The following CHURC1 variants were observed in gnomAD, a reference collection of about 807,000 sequenced individuals.
CHURC1 encodes protein Churchill.
A neutral mutation model predicts 15.4 loss-of-function variants in CHURC1; 12 were observed. The observed-to-expected ratio is 0.78, with a 90% CI of 0.50 to 1.27. The LOEUF (loss-of-function observed/expected upper bound fraction) is 1.27. CHURC1 is among the 50% of genes most tolerant of loss of function. The pLI is 0.00. For missense variants in CHURC1, 132 were observed against 137.8 expected (o/e 0.96, Z 0.21); for synonymous variants, 42 against 47.5 (o/e 0.88, Z 0.48).
intron 1 of CHURC1, among the ~76,000 whole-genome samples, chr14:64,919,459 T>C (rs1488913100): frequency 6.6e-6 from 1 of 152,208 alleles, no homozygotes; most frequent in Admixed American, 6.6e-5. Flanking sequence ...CTGAGTAATA[T>C]ATAATTAGCA....
At position 64,914,608 on chromosome 14, in the gene CHURC1, A is replaced by G. The variant is rs969526343; in HGVS notation, c.39+74A>G. The G allele has an allele frequency of 3.1e-6, 5 of 1,603,382 alleles. No individual in the cohort carries two copies. The African/African-American group carries it at 5.4e-5, about 17-fold the overall frequency. On this transcript the variant is annotated intron_variant, in intron 1 of 3. Transcript: ENST00000549115. The stretch of plus-strand genomic sequence containing the variant: ...TCATATCCAAGGCTGGCCTTCCCAG[A>G]GAGGCCGTACGTGGGGCGGACTCGG...
chr14:64,921,238 A>G (rs1303490148), intron 1 of CHURC1, among the ~76,000 whole-genome samples: 1 of 152,174 alleles, frequency 6.6e-6, no homozygotes, highest in African/African-American at 2.4e-5. Flanking sequence ...ACTAAAAGCT[A>G]TAAAACTTCT....
At position 64,934,914 on chromosome 14, in the gene CHURC1, C is replaced by CCCA; in HGVS notation, c.*2686_*2688dup. ...CTCTCTATATTTCATTATTGGTGAA[C>CCCA]CCACATTGTGCTGTGTTTTGTGATA... is the stretch of plus-strand genomic sequence containing the variant. On this transcript the variant is annotated 3_prime_UTR_variant, in exon 4 of 4. Coordinates refer to ENST00000549115, the MANE Select transcript of CHURC1 (RefSeq NM_001386928.1). 3.0e-6 allele frequency: 3 copies of CCCA among 984,236 alleles called. No homozygotes were observed. Among genetic ancestry groups the CCCA allele is most frequent in the Non-Finnish European group, 3.6e-6 (3 of 828,900 alleles). 61.0% of individuals were successfully genotyped at this position (984,236 alleles called of 1,614,324 possible). A position where few individuals can be genotyped will look rare whatever the true frequency, so the allele number is the denominator to read the frequency against.
chr14:64,924,032 T>G lies in CHURC1; in HGVS notation c.81T>G (p.Phe27Leu). The G allele has an allele frequency of 6.3e-7, 1 of 1,586,950 alleles. No homozygotes were observed. The highest frequency in any genetic ancestry group is 8.6e-7 in the Non-Finnish European group (1 of 1,164,956). The change falls in exon 2 of 4, where the codon TTT (phenylalanine) becomes TTG (leucine). Residue 27 changes from phenylalanine to leucine, a missense_variant. By Grantham distance (22) the Phe-to-Leu change is conservative. Transcript: ENST00000549115. ...AGAATGGATCTTTCTTACTGAACTT[T>G]ACAGGCTGTGCAGTGTGCAGTAAGC... ...CLENGSFLLNFTGCAVCSKRD... is the reference protein window; with the variant it reads ...CLENGSFLLNLTGCAVCSKRD...
intron 3 of CHURC1, among the ~76,000 whole-genome samples, chr14:64,929,947 C>A (rs55884931): frequency 0.034 from 5,170 of 151,192 alleles, 229 homozygotes; most frequent in African/African-American, 0.1. Context: ...AAGCCCCCCC[C>A]CACACACACA....
At position 64,933,140 on chromosome 14, in the gene CHURC1, G is replaced by A. The variant is rs1885168136; in HGVS notation, c.*910G>A. The A allele has an allele frequency of 6.5e-6, 1 of 154,634 alleles. No homozygotes were observed. The highest frequency in any genetic ancestry group is 2.4e-5 in the African/African-American group (1 of 41,434). 9.6% of individuals were successfully genotyped at this position (154,634 alleles called of 1,614,324 possible). A position where few individuals can be genotyped will look rare whatever the true frequency, so the allele number is the denominator to read the frequency against. On this transcript the variant is annotated 3_prime_UTR_variant, in exon 4 of 4. Coordinates refer to ENST00000549115, the MANE Select transcript of CHURC1 (RefSeq NM_001386928.1). ...AAAACATCACACAAATTCCAATTGA[G>A]AAGCATTCTTTAAAATACCTAACCA...
chr14:64,926,183 C>G, intron 3 of CHURC1, 103 bp downstream of exon 3: 2 of 572,440 alleles, frequency 3.5e-6, no homozygotes, highest in Non-Finnish European at 2.8e-6. Context: ...AAGTGCAAAG[C>G]GTTAGCATAT....
chr14:64,927,717 C>CCG (rs1491366299), intron 3 of CHURC1, among the ~76,000 whole-genome samples: 5 of 43,860 alleles, frequency 1.1e-4, no homozygotes, highest in Non-Finnish European at 2.0e-4. Context: ...TCTCCCCCCA[C>CCG]CCCCCCCCCC....
At chr14:64,917,232 G>C (rs1235410431) in intron 1 of CHURC1, among the ~76,000 whole-genome samples, 1 of 152,138 alleles carries the variant, frequency 6.6e-6, no homozygotes, top group Non-Finnish European at 1.5e-5. Flanking sequence ...AGGAGTTTGA[G>C]ACCAGTCTCA....
chr14:64,932,115 T>G lies in CHURC1; in HGVS notation c.247-23T>G. The G allele has an allele frequency of 1.9e-6, 3 of 1,606,288 alleles. No homozygotes were observed. In the South Asian group the frequency reaches 3.3e-5, roughly 18 times the overall value. Reference sequence around the variant, plus strand: ...TCTTTTTCCCTGTTCCTCTAGGTAATTATGCACTTTATCTTGTTCTAGGAG... The same window carrying G: ...TCTTTTTCCCTGTTCCTCTAGGTAAGTATGCACTTTATCTTGTTCTAGGAG... On this transcript the variant is annotated intron_variant, in intron 3 of 3. Transcript: ENST00000549115.
intron 3 of CHURC1, 126 bp downstream of exon 3, chr14:64,926,206 T>A: frequency 2.5e-5 from 9 of 354,416 alleles, no homozygotes; most frequent in Non-Finnish European, 3.8e-5. Context: ...TAAAGGAGAC[T>A]ATGCCTTTTT....
intron 1 of CHURC1, among the ~76,000 whole-genome samples, chr14:64,920,540 C>T (rs1175085503): frequency 2.6e-5 from 4 of 152,224 alleles, no homozygotes; most frequent in Non-Finnish European, 4.4e-5. Context: ...AAGAAAGTCC[C>T]ATCCGCTTCT....
chr14:64,916,062 A>G (rs763199176), intron 1 of CHURC1, among the ~76,000 whole-genome samples: 6 of 152,242 alleles, frequency 3.9e-5, no homozygotes, highest in East Asian at 3.8e-4. Context: ...ACAACAAAGT[A>G]TCACTCCCAA....
chr14:64,926,060 A>C lies in CHURC1; in HGVS notation c.226A>C (p.Ser76Arg). The C allele has an allele frequency of 1.3e-6, 2 of 1,598,494 alleles. No individual in the cohort carries two copies. Among genetic ancestry groups the C allele is most frequent in the Non-Finnish European group, 1.7e-6 (2 of 1,173,246 alleles). ...HVIARHEYTF[S>R]IMDEFQEYTM... ...AATAGCCAGACATGAGTATACATTCAGTATCATGGATGAATTTCAGGTAAA... is the reference window on the plus strand; with the variant it reads ...AATAGCCAGACATGAGTATACATTCCGTATCATGGATGAATTTCAGGTAAA... The change falls in exon 3 of 4, where the codon AGT (serine) becomes CGT (arginine). Residue 76 changes from serine to arginine, a missense_variant. Physicochemically the swap from Ser to Arg is moderately radical, Grantham distance 110. Transcript: ENST00000549115.
Position 64,934,825 on chromosome 14 carries a change from C to T in CHURC1, c.*2595C>T, listed in dbSNP as rs574846765. On this transcript the variant is annotated 3_prime_UTR_variant, in exon 4 of 4. Transcript: ENST00000549115. ...GCCCTGCCAATGTCCTCATCTATTG[C>T]AGAATGTATAATTATCTATTTGTTT... 69 of 985,096 alleles carry T rather than the reference C, an allele frequency of 7.0e-5. No individual in the cohort carries two copies. The African/African-American group carries it at 1.0e-3, about 15-fold the overall frequency. 61.0% of individuals were successfully genotyped at this position (985,096 alleles called of 1,614,324 possible).
In CHURC1 at chr14:64,934,455, A is replaced by G. The variant is rs1885234806; in HGVS notation, c.*2225A>G. The G allele has an allele frequency of 3.0e-6, 3 of 985,318 alleles. No individual in the cohort carries two copies. Among genetic ancestry groups the G allele is most frequent in the African/African-American group, 1.7e-5 (1 of 57,240 alleles). The allele number at this position is 985,318 out of a possible 1,614,324, so 61.0% of individuals were successfully genotyped here. A position where few individuals can be genotyped will look rare whatever the true frequency, so the allele number is the denominator to read the frequency against. On this transcript the variant is annotated 3_prime_UTR_variant, in exon 4 of 4. Transcript: ENST00000549115. Reference sequence around the variant, plus strand: ...CTCTCAGTAATTATGTTTGGCAAATATGAAATACAAGGATCTGGCAAGGTT... The same window carrying G: ...CTCTCAGTAATTATGTTTGGCAAATGTGAAATACAAGGATCTGGCAAGGTT...
In CHURC1 at chr14:64,924,103, G is replaced by A. The variant is rs1884508592; in HGVS notation, c.152G>A (p.Gly51Glu). The A allele has an allele frequency of 1.2e-6, 2 of 1,608,802 alleles. No homozygotes were observed. Among genetic ancestry groups the A allele is most frequent in the African/African-American group, 1.3e-5 (1 of 74,780 alleles). Reference sequence around the variant, plus strand: ...AACAAATCCTTGAAAGAAGAAGATGGAGAAGAAATAGTTACCTATGATCGT... The same window carrying A: ...AACAAATCCTTGAAAGAAGAAGATGAAGAAGAAATAGTTACCTATGATCGT... ...ITNKSLKEEDGEEIVTYDHLC... is the reference protein window; with the variant it reads ...ITNKSLKEEDEEEIVTYDHLC... Residue 51 changes from glycine (G) to glutamate (E), a missense_variant, in exon 2 of 4, where the codon GGA becomes GAA. Physicochemically the swap from Gly to Glu is moderately conservative, Grantham distance 98. Coordinates refer to ENST00000549115, the MANE Select transcript of CHURC1 (RefSeq NM_001386928.1).
At position 64,932,245 on chromosome 14, in the gene CHURC1, A is replaced by G; in HGVS notation, c.*15A>G. 6.2e-7 allele frequency: 1 copy of G among 1,613,620 alleles called. No individual in the cohort carries two copies. Among genetic ancestry groups the G allele is most frequent in the Non-Finnish European group, 8.5e-7 (1 of 1,179,694 alleles). ...TCTTATTCTAAGGATCCTTCTACAGATCTGTTATAACTATATTGTGTTGGT... is the reference window on the plus strand; with the variant it reads ...TCTTATTCTAAGGATCCTTCTACAGGTCTGTTATAACTATATTGTGTTGGT... On this transcript the variant is annotated 3_prime_UTR_variant, in exon 4 of 4. Transcript: ENST00000549115.
At position 64,917,615 on chromosome 14, in the gene CHURC1, G is replaced by T. The variant is rs190419777; in HGVS notation, c.39+3081G>T. Reference sequence around the variant, plus strand: ...CCACCACAAATATTAGCCAAGCGTGGTGGCATGCACCTGTAGTCCTAGCTA... The same window carrying T: ...CCACCACAAATATTAGCCAAGCGTGTTGGCATGCACCTGTAGTCCTAGCTA... On this transcript the variant is annotated intron_variant, in intron 1 of 3. Coordinates refer to ENST00000549115, the MANE Select transcript of CHURC1 (RefSeq NM_001386928.1). 1.2e-3 allele frequency among the ~76,000 whole-genome samples: 190 copies of T among 152,216 alleles called. 1 individual carries two copies. Among genetic ancestry groups the T allele is most frequent in the African/African-American group, 4.3e-3 (179 of 41,524 alleles).
Sources: gnomAD v4.1 joint callset for allele counts (sites outside exome capture counted in the v4.1 genomes callset) on GRCh38, gnomAD v4.1.1 for gene constraint, MANE v1.5 for transcripts, NCBI Gene and HGNC (gene_info 2026-07-23, HGNC 2026-07-21) for gene names.